Variants in SEPTIN7 observed in about 807,000 individuals in gnomAD.
SEPTIN7 encodes the protein septin-7.
In SEPTIN7, 10 loss-of-function variants were observed where a neutral mutation model predicts 63.3. The ratio of observed to expected loss-of-function variants is 0.16; its 90% confidence interval spans 0.10 to 0.27. The LOEUF is 0.27. Ranked by LOEUF, SEPTIN7 falls within the 10% of genes least tolerant of loss-of-function variation. The pLI is 1.00. For missense variants in SEPTIN7, 310 were observed against 521.0 expected (o/e 0.59, Z 3.94); for synonymous variants, 131 against 165.3 (o/e 0.79, Z 1.59).
rs1391811246 is a variant in SEPTIN7, at chr7:35,813,207, A to G, written c.61+11937A>G. Among the ~76,000 whole-genome samples, 3 of 152,318 alleles carry G rather than the reference A, an allele frequency of 2.0e-5. No individual in the cohort carries two copies. The East Asian group carries it at 5.8e-4, about 29-fold the overall frequency. ...ATGTAACTTACCCGCCTGAACACAA[A>G]TAAGTTACAGCAGATACTGGAATTC... On this transcript the variant is annotated intron_variant, in intron 1 of 13. Coordinates refer to ENST00000350320, the MANE Select transcript of SEPTIN7 (RefSeq NM_001788.6).
At chr7:35,873,264 G>A (rs1483940910) in intron 5 of SEPTIN7, among the ~76,000 whole-genome samples, 1 of 151,802 alleles carries the variant, frequency 6.6e-6, no homozygotes, top group African/African-American at 2.4e-5. Context: ...GTAATTTTCT[G>A]TCAACTCTTA....
At chr7:35,914,852 A>G in the SEPTIN7 span, among the ~76,000 whole-genome samples, 1 of 151,976 alleles carries the variant, frequency 6.6e-6, no homozygotes, top group Non-Finnish European at 1.5e-5. Context: ...ATATACATAA[A>G]TATATGTATA....
At chr7:35,915,366 T>G in the SEPTIN7 span, among the ~76,000 whole-genome samples, 1 of 152,150 alleles carries the variant, frequency 6.6e-6, no homozygotes, top group African/African-American at 2.4e-5. Context: ...ACCAGGGACA[T>G]TTTAGACTTA....
chr7:35,891,785 A>C (rs945596847), intron 11 of SEPTIN7, among the ~76,000 whole-genome samples: 1 of 152,218 alleles, frequency 6.6e-6, no homozygotes, highest in African/African-American at 2.4e-5. Context: ...TTATTTTATA[A>C]TAACTTAAAT....
intron 9 of SEPTIN7, among the ~76,000 whole-genome samples, chr7:35,885,579 T>C (rs1787182405): frequency 1.3e-5 from 2 of 152,212 alleles, no homozygotes; most frequent in Admixed American, 1.3e-4. Flanking sequence ...CAAAGTTGTT[T>C]CTGGAGAGTT....
At chr7:35,829,520 C>G (rs987619358) in intron 1 of SEPTIN7, among the ~76,000 whole-genome samples, 4 of 152,262 alleles carry the variant, frequency 2.6e-5, no homozygotes, top group African/African-American at 9.6e-5. Flanking sequence ...GTTCTTGTTG[C>G]TAAGGATAAA....
chr7:35,890,013 A>G (rs1787538469), intron 10 of SEPTIN7, among the ~76,000 whole-genome samples: 1 of 152,220 alleles, frequency 6.6e-6, no homozygotes, highest in Non-Finnish European at 1.5e-5. Flanking sequence ...TTGGTAAAGG[A>G]TATCCATAGA....
downstream of SEPTIN7, among the ~76,000 whole-genome samples, chr7:35,911,843 T>C (rs1455248756): frequency 6.6e-6 from 1 of 152,130 alleles, no homozygotes; most frequent in Non-Finnish European, 1.5e-5. Context: ...TATTGCAAAA[T>C]TAAAAGAATA....
chr7:35,867,681 G>A (rs891906583), intron 4 of SEPTIN7, among the ~76,000 whole-genome samples: 1 of 152,120 alleles, frequency 6.6e-6, no homozygotes, highest in Non-Finnish European at 1.5e-5. Context: ...CATACTTCAT[G>A]TCACTGAAAG....
chr7:35,833,569 T>G (rs937666231), intron 3 of SEPTIN7, among the ~76,000 whole-genome samples: 1 of 152,064 alleles, frequency 6.6e-6, no homozygotes, highest in Non-Finnish European at 1.5e-5. Context: ...TTATCTTCAA[T>G]AACAGTCTTA....
intron 1 of SEPTIN7, among the ~76,000 whole-genome samples, chr7:35,816,060 T>C (rs1465544549): frequency 6.6e-6 from 1 of 152,202 alleles, no homozygotes; most frequent in Non-Finnish European, 1.5e-5. Flanking sequence ...CAGTACATGC[T>C]TGTTTTTATC....
chr7:35,903,544 T>C (rs1788446100), intron 13 of SEPTIN7, among the ~76,000 whole-genome samples: 2 of 152,192 alleles, frequency 1.3e-5, no homozygotes, highest in South Asian at 4.1e-4. Flanking sequence ...TTTCAATTTT[T>C]GGCACACAAA....
intron 1 of SEPTIN7, among the ~76,000 whole-genome samples, chr7:35,818,722 G>A (rs1789238036): frequency 6.6e-6 from 1 of 151,828 alleles, no homozygotes; most frequent in African/African-American, 2.4e-5. Context: ...AGGAATTTTT[G>A]CATTTCCTCT....
At chr7:35,812,156 GT>G in intron 1 of SEPTIN7, 1 of 176,214 alleles carries the variant, frequency 5.7e-6, no homozygotes, top group South Asian at 7.8e-5. Flanking sequence ...AAAAAAAACA[GT>G]TTTTAGAGAG....
intron 8 of SEPTIN7, among the ~76,000 whole-genome samples, chr7:35,883,223 A>G (rs527372005): frequency 2.5e-4 from 38 of 152,226 alleles, no homozygotes; most frequent in African/African-American, 7.2e-4. Flanking sequence ...ATTCACATCA[A>G]CATATTTTCT....
intron 2 of SEPTIN7, chr7:35,832,037 A>G (rs1739401158): frequency 2.2e-6 from 1 of 445,564 alleles, no homozygotes; most frequent in Non-Finnish European, 4.5e-6. Context: ...ACCCATGGGT[A>G]AGTTAGAAGT....
At chr7:35,878,488 A>T (rs536733634) in intron 6 of SEPTIN7, among the ~76,000 whole-genome samples, 1 of 152,304 alleles carries the variant, frequency 6.6e-6, no homozygotes, top group South Asian at 2.1e-4. Context: ...TAGTTAAGGC[A>T]TCTGGCCTTT....
At chr7:35,855,805 T>C (rs1231252280) in intron 3 of SEPTIN7, among the ~76,000 whole-genome samples, 3 of 152,182 alleles carry the variant, frequency 2.0e-5, no homozygotes, top group African/African-American at 7.2e-5. Context: ...GTTTCAAAAA[T>C]GTGTTTATTC....
chr7:35,834,283 C>T (rs1783975330), intron 3 of SEPTIN7, among the ~76,000 whole-genome samples: 1 of 151,930 alleles, frequency 6.6e-6, no homozygotes, highest in East Asian at 1.9e-4. Flanking sequence ...TTTCCTTTGA[C>T]TTTAGAATTT....
Sources: allele counts gnomAD v4.1 joint callset (sites outside exome capture counted in the v4.1 genomes callset), GRCh38; gene constraint gnomAD v4.1.1; transcripts MANE v1.5; gene names NCBI Gene and HGNC (gene_info 2026-07-23, HGNC 2026-07-21).